SLC47A1: variants seen among roughly 807,000 people sequenced by gnomAD.
SLC47A1 encodes the protein solute carrier family 47 member 1, also known as multidrug and toxin extrusion protein 1.
SLC47A1 carries 58 observed loss-of-function variants against 65.8 expected under a neutral mutation model. The observed-to-expected ratio is 0.88, with a 90% CI of 0.71 to 1.10. The LOEUF is 1.10. Ranked by LOEUF, SLC47A1 falls within the 50% of genes least tolerant of loss-of-function variation. The pLI is 0.00. For missense variants in SLC47A1, 706 were observed against 719.2 expected (o/e 0.98, Z 0.21); for synonymous variants, 285 against 295.0 (o/e 0.97, Z 0.35).
In SLC47A1 at chr17:19,578,197, C is replaced by G; in HGVS notation, c.*644C>G. On this transcript the variant is annotated 3_prime_UTR_variant, in exon 17 of 17. Transcript: ENST00000270570. ...GGTCTAGATCTAGGCACTGTGGACA[C>G]TGAAAAACAGTTGGGAAATCTTTCG... The G allele has an allele frequency of 2.8e-6, 1 of 357,662 alleles. No individual in the cohort carries two copies. Among genetic ancestry groups the G allele is most frequent in the Non-Finnish European group, 5.5e-6 (1 of 181,750 alleles). 22.2% of individuals were successfully genotyped at this position (357,662 alleles called of 1,614,324 possible). A position where few individuals can be genotyped will look rare whatever the true frequency, so the allele number is the denominator to read the frequency against.
intron 14 of SLC47A1, chr17:19,571,087 T>C (rs2084396106): frequency 6.5e-6 from 1 of 154,672 alleles, no homozygotes; most frequent in Non-Finnish European, 1.4e-5. Flanking sequence ...TTTTTTTTAA[T>C]GTTAGTCCCC....
chr17:19,571,261 G>T (rs1033482279), intron 14 of SLC47A1, among the ~76,000 whole-genome samples: 1 of 152,066 alleles, frequency 6.6e-6, no homozygotes, highest in African/African-American at 2.4e-5. Context: ...CCTTTTGGGG[G>T]TGGCCTCAAG....
chr17:19,543,362 G>A (rs1193391910), intron 2 of SLC47A1, among the ~76,000 whole-genome samples: 3 of 151,934 alleles, frequency 2.0e-5, no homozygotes, highest in Admixed American at 6.6e-5. Flanking sequence ...CACCCGCCTC[G>A]GCCTCCCAAA....
At chr17:19,560,656 A>T in intron 12 of SLC47A1, 163 bp downstream of exon 12, 1 of 711,608 alleles carries the variant, frequency 1.4e-6, no homozygotes, top group Non-Finnish European at 2.4e-6. Flanking sequence ...GCACTTTGGG[A>T]TCACCTGAGG....
chr17:19,555,254 C>G lies in SLC47A1; in HGVS notation c.586C>G (p.Leu196Val), dbSNP rs771345057. 14 of 1,614,210 alleles carry G rather than the reference C, an allele frequency of 8.7e-6. No individual in the cohort carries two copies. Among genetic ancestry groups the G allele is most frequent in the African/African-American group, 1.3e-5 (1 of 75,036 alleles). ...GATCGTAACTGGAGTTGCAGCCAAC[C>G]TTGTCAATGCCCTCGCCAACTATCT... ...PQIVTGVAAN[L>V]VNALANYLFL... Residue 196 changes from leucine (L) to valine (V), a missense_variant, in exon 7 of 17, where the codon CTT becomes GTT. Coordinates refer to ENST00000270570, the MANE Select transcript of SLC47A1 (RefSeq NM_018242.3).
intron 10 of SLC47A1, among the ~76,000 whole-genome samples, chr17:19,558,944 A>C (rs912027525): frequency 2.0e-5 from 3 of 152,188 alleles, no homozygotes; most frequent in Non-Finnish European, 4.4e-5. Flanking sequence ...AAGCTGGTCC[A>C]TAGTCATCCT....
At chr17:19,561,568 G>A (rs1055553666) in intron 12 of SLC47A1, among the ~76,000 whole-genome samples, 1 of 150,800 alleles carries the variant, frequency 6.6e-6, no homozygotes, top group Non-Finnish European at 1.5e-5. Context: ...GCGTGAACCC[G>A]GGAGGTGGAG....
chr17:19,555,248 G>C lies in SLC47A1; in HGVS notation c.580G>C (p.Ala194Pro). ...GCCCCAGATCGTAACTGGAGTTGCAGCCAACCTTGTCAATGCCCTCGCCAA... is the reference window on the plus strand; with the variant it reads ...GCCCCAGATCGTAACTGGAGTTGCACCCAACCTTGTCAATGCCCTCGCCAA... ...VLPQIVTGVA[A>P]NLVNALANYL... The change falls in exon 7 of 17, where the codon GCC becomes CCC. Residue 194 changes from alanine (A) to proline (P), a missense_variant. By Grantham distance (27) the Ala-to-Pro change is conservative. Coordinates refer to ENST00000270570, the MANE Select transcript of SLC47A1 (RefSeq NM_018242.3). 2.5e-6 allele frequency: 4 copies of C among 1,614,226 alleles called. No homozygotes were observed. Among genetic ancestry groups the C allele is most frequent in the Non-Finnish European group, 2.5e-6 (3 of 1,180,046 alleles).
chr17:19,544,993 C>G (rs554696184), intron 2 of SLC47A1, among the ~76,000 whole-genome samples: 1 of 152,304 alleles, frequency 6.6e-6, no homozygotes, highest in South Asian at 2.1e-4. Context: ...TCAAATCAGT[C>G]TCTCTGAGGA....
At chr17:19,555,346 T>A (rs757555389) in intron 7 of SLC47A1, 37 bp downstream of exon 7, 1 of 1,605,242 alleles carries the variant, frequency 6.2e-7, no homozygotes, top group South Asian at 1.1e-5. Flanking sequence ...GGAGAAGGGA[T>A]GACTTGCATG....
rs77259958 is a variant in SLC47A1, at chr17:19,572,628, A to C, written c.1405-152A>C. ...TGAGCACTGAGCCTGGCCCCATTTC[A>C]ATCTTTATGAAAGATGACCTGTGAA... On this transcript the variant is annotated intron_variant, in intron 15 of 16. Coordinates refer to ENST00000270570, the MANE Select transcript of SLC47A1 (RefSeq NM_018242.3). The C allele has an allele frequency of 5.5e-4, 379 of 693,864 alleles. 7 individuals are homozygous for C. The East Asian group carries it at 9.8e-3, about 18-fold the overall frequency. 43.0% of individuals were successfully genotyped at this position (693,864 alleles called of 1,614,324 possible).
chr17:19,560,655 GATC>G, intron 12 of SLC47A1, 162 bp downstream of exon 12: 1 of 710,562 alleles, frequency 1.4e-6, no homozygotes. Context: ...AGCACTTTGG[GATC>G]ACCTGAGGTC....
At chr17:19,555,409 T>C (rs1384070695) in intron 7 of SLC47A1, 100 bp downstream of exon 7, 51 of 1,368,474 alleles carry the variant, frequency 3.7e-5, no homozygotes, top group Non-Finnish European at 5.2e-5. Context: ...CTTGTGTCCA[T>C]GCGTGGTCTC....
chr17:19,557,726 G>C, intron 10 of SLC47A1: 2 of 442,122 alleles, frequency 4.5e-6, no homozygotes, highest in South Asian at 3.3e-5. Context: ...CAACACACAG[G>C]GTTTTTCTGC....
chr17:19,570,373 A>T (rs1045775498), intron 14 of SLC47A1, among the ~76,000 whole-genome samples: 4 of 152,194 alleles, frequency 2.6e-5, no homozygotes, highest in Admixed American at 6.5e-5. Flanking sequence ...CAGGCAAAGG[A>T]GTGGGAAAGC....
At chr17:19,562,379 T>TG (rs915842575) in intron 12 of SLC47A1, among the ~76,000 whole-genome samples, 24 of 152,108 alleles carry the variant, frequency 1.6e-4, no homozygotes, top group African/African-American at 5.8e-4. Context: ...CTGGTCGACA[T>TG]GGGGAAACCC....
intron 1 of SLC47A1, chr17:19,535,018 G>C (rs1000100362): frequency 6.6e-6 from 1 of 152,336 alleles, no homozygotes; most frequent in Non-Finnish European, 1.5e-5. Flanking sequence ...TCTGGAGTGG[G>C]GGCTCGGTAG....
intron 14 of SLC47A1, among the ~76,000 whole-genome samples, chr17:19,568,259 T>A (rs567671149): frequency 1.3e-5 from 2 of 152,200 alleles, no homozygotes; most frequent in East Asian, 3.8e-4. Context: ...ATATTTTAAT[T>A]AAAAATACAG....
Position 19,567,125 on chromosome 17 carries a change from T to C in SLC47A1, c.1206T>C (p.Ser402=), listed in dbSNP as rs1329451115. 6.2e-7 allele frequency: 1 copy of C among 1,613,694 alleles called. No individual in the cohort carries two copies. The highest frequency in any genetic ancestry group is 1.7e-5 in the Admixed American group (1 of 59,944). The change falls in exon 14 of 17, where the codon AGT becomes AGC. Residue 402 remains serine (S), a synonymous_variant. Transcript: ENST00000270570. ...ACTSGGVLRG[S]GNQKVGAIVN... ...CGAGTGGTGGTGTTCTGAGGGGGAG[T>C]GGAAATCAGAAGGTTGGAGCCATTG...
Sources: allele counts gnomAD v4.1 joint callset (sites outside exome capture counted in the v4.1 genomes callset), GRCh38; gene constraint gnomAD v4.1.1; transcripts MANE v1.5; gene names NCBI Gene and HGNC (gene_info 2026-07-23, HGNC 2026-07-21).